The following SND1 variants were observed in gnomAD, a reference collection of about 807,000 sequenced individuals.
SND1 encodes the protein staphylococcal nuclease and tudor domain containing 1, also known as staphylococcal nuclease domain-containing protein 1.
Under a neutral mutation model 121.7 loss-of-function variants are expected in SND1, and 38 were observed. The ratio of observed to expected loss-of-function variants is 0.31; its 90% CI spans 0.24 to 0.41. SND1 has a LOEUF of 0.41. Ranked by LOEUF, SND1 falls within the 10% of genes least tolerant of loss-of-function variation. The pLI is 1.00. For missense variants in SND1, 868 were observed against 1,184.6 expected, an observed-to-expected ratio of 0.73 and a Z score of 3.92; for synonymous variants, 401 against 447.4, an observed-to-expected ratio of 0.90 and a Z score of 1.31.
chr7:128,079,467 A>G (rs936569217), intron 17 of SND1, among the ~76,000 whole-genome samples: 2 of 152,252 alleles, frequency 1.3e-5, no homozygotes, highest in African/African-American at 4.8e-5. Context: ...TTAGGGTATC[A>G]GGAGCCTGGA....
At chr7:128,020,883 G>A (rs1212578894) in intron 16 of SND1, among the ~76,000 whole-genome samples, 1 of 152,160 alleles carries the variant, frequency 6.6e-6, no homozygotes, top group African/African-American at 2.4e-5. Flanking sequence ...CACCTCCAGT[G>A]CTTGCCGTCT....
At chr7:128,074,742 C>A in intron 17 of SND1, 52 bp downstream of exon 17, 1 of 1,496,854 alleles carries the variant, frequency 6.7e-7, no homozygotes, top group Non-Finnish European at 9.1e-7. Context: ...CCTCCTCACA[C>A]ACTAATGCTG....
rs752279583 is a variant in SND1, at chr7:128,074,547, G to A, written c.1825G>A (p.Gly609Ser). The A allele has an allele frequency of 3.1e-6, 5 of 1,613,388 alleles. No individual in the cohort carries two copies. The highest frequency in any genetic ancestry group is 2.2e-5 in the East Asian group (1 of 44,876). The part of the protein sequence containing the change: ...ESMDKAGNFI[G>S]WLHIDGANLS... ...CATGGACAAGGCCGGCAACTTTATC[G>A]GCTGGCTGCACATCGACGGTGCCAA... Residue 609 changes from glycine (G) to serine (S), a missense_variant, in exon 17 of 24, where the codon GGC (glycine) becomes AGC (serine). By Grantham distance (56) the Gly-to-Ser change is moderately conservative. Transcript: ENST00000354725.
chr7:127,729,493 T>C (rs1271813348), intron 10 of SND1, among the ~76,000 whole-genome samples: 3 of 148,636 alleles, frequency 2.0e-5, no homozygotes, highest in African/African-American at 5.0e-5. Context: ...GCAAGTTTAG[T>C]GCAGTCATCC....
chr7:128,087,303 T>C (rs988590763), intron 21 of SND1, among the ~76,000 whole-genome samples: 16 of 152,058 alleles, frequency 1.1e-4, no homozygotes, highest in Non-Finnish European at 2.4e-4. Context: ...CCCAGGGGGC[T>C]TTTGGGCAGT....
At chr7:128,044,908 T>C (rs1196772857) in intron 16 of SND1, among the ~76,000 whole-genome samples, 2 of 152,192 alleles carry the variant, frequency 1.3e-5, no homozygotes, top group Non-Finnish European at 2.9e-5. Context: ...TCTGAGTTTC[T>C]AAAATCCTTA....
At position 128,092,021 on chromosome 7, in the gene SND1, G is replaced by A. The variant is rs1360439296; in HGVS notation, c.2696G>A (p.Arg899Gln). Reference sequence around the variant, plus strand: ...AACCTGTGGCGCTATGGAGACTTTCGAGCTGATGATGCAGACGAATTTGGC... The same window carrying A: ...AACCTGTGGCGCTATGGAGACTTTCAAGCTGATGATGCAGACGAATTTGGC... ...RLNLWRYGDF[R>Q]ADDADEFGYS... The change falls in exon 24 of 24, where the codon CGA (arginine) becomes CAA (glutamine). Residue 899 changes from arginine (R) to glutamine (Q), a missense_variant. Physicochemically the swap from Arg to Gln is conservative, Grantham distance 43 (BLOSUM62 1). Transcript: ENST00000354725. The surrounding 1 kb of genome is among the most constrained non-coding windows in gnomAD (Gnocchi z 4.9). 1.9e-6 allele frequency: 3 copies of A among 1,614,052 alleles called. No homozygotes were observed. The highest frequency in any genetic ancestry group is 2.2e-5 in the South Asian group (2 of 91,074).
intron 10 of SND1, among the ~76,000 whole-genome samples, chr7:127,787,283 A>G (rs767868559): frequency 6.6e-6 from 1 of 152,082 alleles, no homozygotes; most frequent in Non-Finnish European, 1.5e-5. Flanking sequence ...TACCCAGGTT[A>G]TAGTACAGTG....
chr7:127,767,586 T>C (rs1044021945), intron 10 of SND1, among the ~76,000 whole-genome samples: 1 of 152,232 alleles, frequency 6.6e-6, no homozygotes, highest in Non-Finnish European at 1.5e-5. Flanking sequence ...GCTTGGCTTT[T>C]TGTCTGTAAT....
At chr7:127,751,824 A>G (rs990201214) in intron 10 of SND1, among the ~76,000 whole-genome samples, 1 of 152,236 alleles carries the variant, frequency 6.6e-6, no homozygotes, top group Non-Finnish European at 1.5e-5. Flanking sequence ...TGGCCTAGTC[A>G]TGGGCAATTG....
In SND1 at chr7:128,089,676, AAC is replaced by A; in HGVS notation, c.2608_2609del (p.Gln870ValfsTer31). 6.2e-7 allele frequency: 1 copy of A among 1,614,084 alleles called. No individual in the cohort carries two copies. Among genetic ancestry groups the A allele is most frequent in the South Asian group, 1.1e-5 (1 of 91,074 alleles). ...GTCATGGTGGAGGTGCGCAAGGAGA[AAC>A]AGTTCCAGAAAGTGGTATGTGATGT... On this transcript the variant is annotated frameshift_variant, in exon 22 of 24. Transcript: ENST00000354725. LOFTEE classifies it high-confidence loss of function.
chr7:127,959,789 G>A (rs1188591628), intron 15 of SND1, among the ~76,000 whole-genome samples: 1 of 152,150 alleles, frequency 6.6e-6, no homozygotes, highest in African/African-American at 2.4e-5. Context: ...TTTGTTCATT[G>A]CTATGTATAT....
intron 2 of SND1, 131 bp from the exon 3 acceptor site, chr7:127,694,697 C>A: frequency 1.9e-6 from 2 of 1,030,194 alleles, no homozygotes; most frequent in Non-Finnish European, 2.8e-6. Context: ...TTTTTATATT[C>A]TCAAGGTCCA....
At chr7:127,938,460 A>G (rs1334589248) in intron 15 of SND1, among the ~76,000 whole-genome samples, 1 of 152,222 alleles carries the variant, frequency 6.6e-6, no homozygotes, top group Non-Finnish European at 1.5e-5. Flanking sequence ...AGCATAGGCC[A>G]CCTAGTATGA....
intron 10 of SND1, among the ~76,000 whole-genome samples, chr7:127,789,701 T>C (rs1261315765): frequency 6.6e-6 from 1 of 152,244 alleles, no homozygotes; most frequent in Non-Finnish European, 1.5e-5. Context: ...ATGATAGTTC[T>C]TTCAGGCCTG....
At chr7:127,987,516 T>C (rs11769305) in intron 15 of SND1, among the ~76,000 whole-genome samples, 2 of 152,144 alleles carry the variant, frequency 1.3e-5, no homozygotes, top group Non-Finnish European at 2.9e-5. Flanking sequence ...ATTTGTGTGG[T>C]CTCCTCTCTA....
intron 13 of SND1, among the ~76,000 whole-genome samples, chr7:127,893,902 A>C (rs1289087137): frequency 6.6e-6 from 1 of 152,064 alleles, no homozygotes; most frequent in African/African-American, 2.4e-5. Context: ...CTAGCACTCC[A>C]GCCTTGCTGT....
chr7:127,687,368 G>T (rs1040950018), intron 2 of SND1, among the ~76,000 whole-genome samples: 2 of 152,058 alleles, frequency 1.3e-5, no homozygotes, highest in Non-Finnish European at 2.9e-5. Flanking sequence ...TGTTACACGG[G>T]TATATTGTGT....
At chr7:127,864,284 G>A (rs1799429542) in intron 12 of SND1, among the ~76,000 whole-genome samples, 1 of 149,108 alleles carries the variant, frequency 6.7e-6, no homozygotes, top group Admixed American at 6.8e-5. Context: ...GAAATGGCAT[G>A]TTTTGGAAAT....
Sources: gnomAD v4.1 joint callset for allele counts (sites outside exome capture counted in the v4.1 genomes callset) on GRCh38, gnomAD v4.1.1 for gene constraint, Gnocchi (gnomAD v3.1) non-coding constraint, MANE v1.5 for transcripts, NCBI Gene and HGNC (gene_info 2026-07-23, HGNC 2026-07-21) for gene names.